The following PDE4B variants were observed in gnomAD, a reference collection of about 807,000 sequenced individuals.
PDE4B encodes the protein phosphodiesterase 4B.
Under a neutral mutation model 82.2 loss-of-function variants are expected in PDE4B, and 20 were observed. The observed-to-expected ratio is 0.24, with a 90% CI of 0.17 to 0.35. PDE4B has a LOEUF of 0.35. Among genes scored for constraint, PDE4B ranks in the 10% least tolerant of loss-of-function variants. The pLI is 1.00. For synonymous variants in PDE4B, 320 were observed against 318.9 expected (o/e 1.00, Z -0.04); for missense variants, 655 against 907.2 (o/e 0.72, Z 3.57).
chr1:66,215,699 A>T (rs1335878568), intron 3 of PDE4B, among the ~76,000 whole-genome samples: 2 of 152,134 alleles, frequency 1.3e-5, no homozygotes, highest in African/African-American at 4.8e-5. Flanking sequence ...CCCCATCCAC[A>T]TGGAGGCCAT....
At chr1:66,359,532 T>C (rs1007774472) in intron 9 of PDE4B, among the ~76,000 whole-genome samples, 3 of 152,232 alleles carry the variant, frequency 2.0e-5, no homozygotes, top group African/African-American at 4.8e-5. Context: ...ATTGGCACTA[T>C]TTGTGAATAA....
chr1:65,957,766 T>C lies in PDE4B; in HGVS notation c.281+38931T>C, dbSNP rs562822749. On this transcript the variant is annotated intron_variant, in intron 3 of 16. Transcript: ENST00000341517. ...GTCTTGCTCCTCTTTGTTACATTACTTCACTTTTGCTACTATTGTAACTAG... is the reference window on the plus strand; with the variant it reads ...GTCTTGCTCCTCTTTGTTACATTACCTCACTTTTGCTACTATTGTAACTAG... Among the ~76,000 whole-genome samples, 22 of 152,208 alleles carry C rather than the reference T, an allele frequency of 1.4e-4. 1 individual carries two copies. The highest frequency in any genetic ancestry group is 7.2e-4 in the Admixed American group (11 of 15,278).
intron 3 of PDE4B, among the ~76,000 whole-genome samples, chr1:66,210,569 C>A (rs1398191309): frequency 8.3e-6 from 1 of 120,130 alleles, no homozygotes; most frequent in Non-Finnish European, 1.6e-5. Context: ...GCACTCCAGC[C>A]TGGGTGACAG....
intron 7 of PDE4B, among the ~76,000 whole-genome samples, chr1:66,297,683 G>A (rs1465692273): frequency 6.6e-6 from 1 of 152,040 alleles, no homozygotes; most frequent in South Asian, 2.1e-4. Context: ...TGATAATAAT[G>A]TTACTCCATT....
intron 3 of PDE4B, among the ~76,000 whole-genome samples, chr1:66,239,950 TG>T (rs1652756060): frequency 6.6e-6 from 1 of 152,244 alleles, no homozygotes; most frequent in Admixed American, 6.5e-5. Context: ...GAAGTACTTG[TG>T]GCATTTCCAT....
At chr1:66,022,440 G>A (rs921422375) in intron 3 of PDE4B, among the ~76,000 whole-genome samples, 1 of 152,042 alleles carries the variant, frequency 6.6e-6, no homozygotes, top group African/African-American at 2.4e-5. Context: ...ATTGGCTGTG[G>A]GTTTGTCATA....
At chr1:65,931,514 T>G (rs903410147) in intron 3 of PDE4B, among the ~76,000 whole-genome samples, 3 of 152,196 alleles carry the variant, frequency 2.0e-5, no homozygotes, top group Non-Finnish European at 4.4e-5. Context: ...AGAGTTAACA[T>G]ACAAAATCAG....
At chr1:66,039,138 T>C (rs760355056) in intron 3 of PDE4B, among the ~76,000 whole-genome samples, 3 of 152,056 alleles carry the variant, frequency 2.0e-5, no homozygotes, top group Non-Finnish European at 4.4e-5. Context: ...TATTTATTTT[T>C]TATAGCATAC....
At chr1:65,940,066 A>G (rs1295701286) in intron 3 of PDE4B, among the ~76,000 whole-genome samples, 1 of 152,198 alleles carries the variant, frequency 6.6e-6, no homozygotes, top group Non-Finnish European at 1.5e-5. Flanking sequence ...GTGATGTGAT[A>G]GAGTAAATAT....
In PDE4B at chr1:66,168,606, G is replaced by A. The variant is rs117238797; in HGVS notation, c.282-78854G>A. On this transcript the variant is annotated intron_variant, in intron 3 of 16. Transcript: ENST00000341517. ...ATGGGGAGAATGAGGAATGAGGACC[G>A]TACCTACCGTCTTGGAGACCGTTGT... Among the ~76,000 whole-genome samples the A allele has an allele frequency of 1.2e-4, 18 of 152,250 alleles. No individual in the cohort carries two copies. In the East Asian group the frequency reaches 2.5e-3, roughly 21 times the overall value.
chr1:66,068,695 A>G (rs1460101682), intron 3 of PDE4B, among the ~76,000 whole-genome samples: 2 of 152,020 alleles, frequency 1.3e-5, no homozygotes, highest in African/African-American at 4.8e-5. Context: ...ACACACTTTT[A>G]TATAAGGCCA....
intron 3 of PDE4B, among the ~76,000 whole-genome samples, chr1:66,043,648 T>C (rs1460465899): frequency 6.6e-6 from 1 of 151,668 alleles, no homozygotes; most frequent in African/African-American, 2.4e-5. Context: ...AACGAAACCA[T>C]GAAAGTCAAA....
chr1:66,215,632 A>T (rs1219743538), intron 3 of PDE4B, among the ~76,000 whole-genome samples: 1 of 152,102 alleles, frequency 6.6e-6, no homozygotes, highest in East Asian at 1.9e-4. Flanking sequence ...TTTCTGCAGG[A>T]GGCTTCAGAG....
intron 3 of PDE4B, among the ~76,000 whole-genome samples, chr1:66,237,185 T>C (rs6690456): frequency 0.063 from 9,552 of 152,240 alleles, 952 homozygotes; most frequent in African/African-American, 0.21. Flanking sequence ...AAAGAACATA[T>C]TTAAAATCCA....
At chr1:66,020,952 C>T (rs1485916510) in intron 3 of PDE4B, among the ~76,000 whole-genome samples, 2 of 152,158 alleles carry the variant, frequency 1.3e-5, no homozygotes, top group Non-Finnish European at 2.9e-5. Context: ...AGCGTTCCTA[C>T]TCCTCCACAT....
chr1:66,332,824 C>T (rs553245898), intron 8 of PDE4B, among the ~76,000 whole-genome samples: 17 of 152,320 alleles, frequency 1.1e-4, no homozygotes, highest in African/African-American at 3.6e-4. Flanking sequence ...CCTCAGTACG[C>T]TTCAATTTCC....
chr1:65,882,936 A>G (rs1171074182), intron 1 of PDE4B, among the ~76,000 whole-genome samples: 1 of 152,204 alleles, frequency 6.6e-6, no homozygotes, highest in East Asian at 1.9e-4. Context: ...ATAAAAGTGG[A>G]AGAAGCACTG....
chr1:66,211,453 A>G (rs914608384), intron 3 of PDE4B, among the ~76,000 whole-genome samples: 6 of 152,214 alleles, frequency 3.9e-5, no homozygotes, highest in Non-Finnish European at 5.9e-5. Flanking sequence ...AGTTGATAGG[A>G]CCTGCACTCA....
chr1:66,188,043 C>G (rs1317412831), intron 3 of PDE4B, among the ~76,000 whole-genome samples: 1 of 145,348 alleles, frequency 6.9e-6, no homozygotes. Context: ...TGTCTTTGTT[C>G]TCGTTGGTTT....
Sources: allele counts gnomAD v4.1 joint callset (sites outside exome capture counted in the v4.1 genomes callset), GRCh38; gene constraint gnomAD v4.1.1; transcripts MANE v1.5; gene names NCBI Gene and HGNC (gene_info 2026-07-23, HGNC 2026-07-21).